TSPAN11: variants seen among roughly 807,000 people sequenced by gnomAD.
TSPAN11 encodes tetraspanin 11, also known as tetraspanin-11.
TSPAN11 carries 29 observed loss-of-function variants against 32.9 expected under a neutral mutation model. The observed-to-expected ratio is 0.88, with a 90% CI of 0.66 to 1.20. The LOEUF is 1.20. Ranked by LOEUF, TSPAN11 falls within the 50% of genes most tolerant of loss-of-function variation. The pLI is 0.00. For synonymous variants in TSPAN11, 140 were observed against 141.3 expected (o/e 0.99, Z 0.07); for missense variants, 283 against 329.1 (o/e 0.86, Z 1.08).
chr12:30,967,422 A>G (rs1020302457), intron 3 of TSPAN11, among the ~76,000 whole-genome samples: 26 of 152,236 alleles, frequency 1.7e-4, no homozygotes, highest in Non-Finnish European at 3.2e-4. Context: ...CGGGGAGTCA[A>G]CAGGCAGTGA....
At chr12:30,988,416 T>C (rs111281257) in intron 7 of TSPAN11, 1 of 152,014 alleles carries the variant, frequency 6.6e-6, no homozygotes, top group Non-Finnish European at 1.5e-5. Flanking sequence ...GGTGAAACCC[T>C]GTCTGTACTA....
intron 1 of TSPAN11, among the ~76,000 whole-genome samples, chr12:30,947,907 C>T (rs1237928150): frequency 6.6e-6 from 1 of 152,154 alleles, no homozygotes; most frequent in African/African-American, 2.4e-5. Flanking sequence ...GTCCCTTCCG[C>T]CTATGAGCCT....
chr12:30,971,610 C>T lies in TSPAN11; in HGVS notation c.277-6951C>T, dbSNP rs139704511. 6.3e-4 allele frequency among the ~76,000 whole-genome samples: 96 copies of T among 152,210 alleles called. 1 individual carries two copies. The highest frequency in any genetic ancestry group is 2.0e-3 in the African/African-American group (85 of 41,524). ...AAATAAATAAATTTAATTAGCCAGG[C>T]ATGGTGGTATGCACCTGTAGTCCCA... On this transcript the variant is annotated intron_variant, in intron 3 of 7. Coordinates refer to ENST00000546076, the MANE Select transcript of TSPAN11 (RefSeq NM_001370302.1).
intron 7 of TSPAN11, among the ~76,000 whole-genome samples, chr12:30,985,165 T>A (rs1280159590): frequency 6.6e-6 from 1 of 152,072 alleles, no homozygotes; most frequent in Non-Finnish European, 1.5e-5. Flanking sequence ...GGGACCCCCA[T>A]CTTGGTTCTG....
chr12:30,949,419 A>G (rs776380673), intron 1 of TSPAN11, among the ~76,000 whole-genome samples: 4 of 152,216 alleles, frequency 2.6e-5, no homozygotes, highest in Non-Finnish European at 4.4e-5. Flanking sequence ...AGGCCTCAGA[A>G]TCATGGTGGG....
the TSPAN11 span, chr12:31,012,798 C>T: frequency 6.6e-6 from 1 of 152,352 alleles, no homozygotes; most frequent in East Asian, 1.9e-4. Context: ...CTCCTTTCCC[C>T]TTCTTTGTAT....
rs558027174 is a variant in TSPAN11, at chr12:30,993,740, C to T, written c.*1825C>T. The T allele has an allele frequency of 1.3e-5, 2 of 152,370 alleles. No individual in the cohort carries two copies. Among genetic ancestry groups the T allele is most frequent in the South Asian group, 4.1e-4 (2 of 4,822 alleles). 9.4% of individuals were successfully genotyped at this position (152,370 alleles called of 1,614,324 possible). ...TCCCAAGTTCTCTGAAGGATGAGAT[C>T]ACAACTGACAACTCTTACGACAGAG... On this transcript the variant is annotated 3_prime_UTR_variant, in exon 8 of 8. Coordinates refer to ENST00000546076, the MANE Select transcript of TSPAN11 (RefSeq NM_001370302.1).
chr12:31,004,284 C>T, the TSPAN11 span, among the ~76,000 whole-genome samples: 7 of 152,178 alleles, frequency 4.6e-5, no homozygotes, highest in East Asian at 1.9e-4. Context: ...CTCACACGTC[C>T]GGTTGTGTGC....
chr12:30,927,473 G>A (rs75992357), intron 1 of TSPAN11, among the ~76,000 whole-genome samples: 6,397 of 152,282 alleles, frequency 0.042, 482 homozygotes, highest in African/African-American at 0.15. Context: ...AAGGGAGGCA[G>A]CCCAGTTGGG....
At chr12:31,013,670 T>C in the TSPAN11 span, among the ~76,000 whole-genome samples, 1 of 152,108 alleles carries the variant, frequency 6.6e-6, no homozygotes, top group Non-Finnish European at 1.5e-5. Context: ...CAAAGGTATG[T>C]AGTGAAACGG....
chr12:30,988,267 C>G (rs573148882), intron 7 of TSPAN11, among the ~76,000 whole-genome samples: 1 of 152,316 alleles, frequency 6.6e-6, no homozygotes, highest in Admixed American at 6.5e-5. Flanking sequence ...GAGCCACCGG[C>G]CCTGGCTGCA....
At chr12:30,980,305 TGTGGC>T (rs1312209167) in intron 5 of TSPAN11, among the ~76,000 whole-genome samples, 2 of 152,218 alleles carry the variant, frequency 1.3e-5, no homozygotes, top group Non-Finnish European at 2.9e-5. Flanking sequence ...ACCACCCACA[TGTGGC>T]TATTTTCAGC....
At chr12:30,976,514 C>A (rs1414931534) in intron 3 of TSPAN11, among the ~76,000 whole-genome samples, 2 of 152,154 alleles carry the variant, frequency 1.3e-5, no homozygotes, top group African/African-American at 4.8e-5. Context: ...GCAGGAGGAC[C>A]ATCCACAGAC....
At chr12:30,972,399 C>T (rs528445972) in intron 3 of TSPAN11, among the ~76,000 whole-genome samples, 8 of 152,302 alleles carry the variant, frequency 5.3e-5, no homozygotes, top group Middle Eastern at 3.4e-3. Flanking sequence ...AACAGTGAGA[C>T]CATGGCTCAG....
chr12:30,973,823 G>T (rs1938903102), intron 3 of TSPAN11, among the ~76,000 whole-genome samples: 1 of 152,212 alleles, frequency 6.6e-6, no homozygotes, highest in South Asian at 2.1e-4. Context: ...GGCAAAAGGT[G>T]TTTCCAGAAC....
At chr12:30,983,215 G>A in intron 7 of TSPAN11, 65 bp downstream of exon 7, 1 of 1,486,762 alleles carries the variant, frequency 6.7e-7, no homozygotes, top group Non-Finnish European at 9.1e-7. Context: ...ATTGACACAG[G>A]TCTTCAGTAA....
chr12:30,927,402 TG>T (rs1166889516), intron 1 of TSPAN11, among the ~76,000 whole-genome samples: 8 of 152,214 alleles, frequency 5.3e-5, no homozygotes, highest in African/African-American at 1.9e-4. Context: ...GGTTCTGGGG[TG>T]TATCCTTTTC....
chr12:30,928,973 TTGTGAA>T (rs1179586188), intron 1 of TSPAN11, among the ~76,000 whole-genome samples: 1 of 152,184 alleles, frequency 6.6e-6, no homozygotes, highest in African/African-American at 2.4e-5. Context: ...ATATTATTGT[TTGTGAA>T]TGAGTGAGTG....
intron 1 of TSPAN11, among the ~76,000 whole-genome samples, chr12:30,930,449 A>G (rs1937897420): frequency 6.6e-6 from 1 of 152,212 alleles, no homozygotes; most frequent in Non-Finnish European, 1.5e-5. Context: ...GCCAGCAGCA[A>G]GGGTGGCCGG....
Sources: allele counts gnomAD v4.1 joint callset (sites outside exome capture counted in the v4.1 genomes callset), GRCh38; gene constraint gnomAD v4.1.1; transcripts MANE v1.5; gene names NCBI Gene and HGNC (gene_info 2026-07-23, HGNC 2026-07-21).